The following GABRB3 variants were observed in gnomAD, a reference collection of about 807,000 sequenced individuals.
GABRB3 encodes gamma-aminobutyric acid type A receptor subunit beta3.
GABRB3 carries 14 observed loss-of-function variants against 52.1 expected under a neutral mutation model. That is an observed-to-expected ratio of 0.27 (90% confidence interval 0.18 to 0.42). The LOEUF is 0.42. Ranked by LOEUF, GABRB3 falls within the 10% of genes least tolerant of loss-of-function variation. GABRB3 has a pLI of 1.00. For missense variants in GABRB3, 307 were observed against 609.1 expected (o/e 0.50, Z 5.22); for synonymous variants, 260 against 232.3 (o/e 1.12, Z -1.08).
chr15:26,634,161 CTCTGGG>C (rs1189788236), intron 3 of GABRB3, among the ~76,000 whole-genome samples: 2 of 152,164 alleles, frequency 1.3e-5, no homozygotes, highest in African/African-American at 4.8e-5. Context: ...CCTGATCAGC[CTCTGGG>C]TCTTCGTTCT....
chr15:26,580,199 G>T, intron 6 of GABRB3, 120 bp downstream of exon 6: 2 of 1,206,392 alleles, frequency 1.7e-6, no homozygotes, highest in South Asian at 1.2e-5. Context: ...ATGTGTGAAT[G>T]ATAACAGCAC....
chr15:26,580,695 G>C, intron 5 of GABRB3: 1 of 585,766 alleles, frequency 1.7e-6, no homozygotes, highest in Non-Finnish European at 3.1e-6. Context: ...GAGAATGGGT[G>C]CTCTGACCAG....
intron 3 of GABRB3, among the ~76,000 whole-genome samples, chr15:26,628,772 C>A (rs1048394979): frequency 4.6e-5 from 7 of 152,210 alleles, no homozygotes; most frequent in Admixed American, 6.5e-5. Context: ...GGGTGGACCT[C>A]ACATTCTACC....
intron 3 of GABRB3, among the ~76,000 whole-genome samples, chr15:26,674,066 CTT>C (rs1421282948): frequency 6.9e-6 from 1 of 145,654 alleles, no homozygotes. Flanking sequence ...TAACCCCCCC[CTT>C]TTTTTTTTTA....
intron 3 of GABRB3, among the ~76,000 whole-genome samples, chr15:26,698,530 T>G (rs9920648): frequency 0.024 from 3,632 of 152,248 alleles, 140 homozygotes; most frequent in African/African-American, 0.083. Flanking sequence ...AAGGAAGAGA[T>G]TCTTTAAATG....
At position 26,568,684 on chromosome 15, in the gene GABRB3, G is replaced by GTTTTTTTTTTTT. The variant is rs1890278876; in HGVS notation, c.683-952_683-951insAAAAAAAAAAAA. On this transcript the variant is annotated intron_variant, in intron 6 of 8. Coordinates refer to ENST00000311550, the MANE Select transcript of GABRB3 (RefSeq NM_000814.6). The stretch of plus-strand genomic sequence containing the variant: ...AGCTAGGTTTTTTTTTTTTTTTTTG[G>GTTTTTTTTTTTT]TTTTGTATGTTTAGTAGAGACAGGG... 4.5e-5 allele frequency among the ~76,000 whole-genome samples: 6 copies of GTTTTTTTTTTTT among 133,722 alleles called. 1 individual carries two copies. In the East Asian group the frequency reaches 1.0e-3, roughly 23 times the overall value. The allele number at this position is 133,722 out of a possible 152,430, so 87.7% of individuals were successfully genotyped here.
chr15:26,693,362 C>A (rs957812037), intron 3 of GABRB3, among the ~76,000 whole-genome samples: 1 of 152,186 alleles, frequency 6.6e-6, no homozygotes, highest in African/African-American at 2.4e-5. Flanking sequence ...AATGAAACAG[C>A]AAGAGGAAAC....
chr15:26,727,074 G>C (rs1178673294), intron 3 of GABRB3, among the ~76,000 whole-genome samples: 1 of 152,170 alleles, frequency 6.6e-6, no homozygotes, highest in African/African-American at 2.4e-5. Flanking sequence ...CAGGAGAATT[G>C]ATTGAACCTA....
intron 4 of GABRB3, among the ~76,000 whole-genome samples, chr15:26,607,014 C>T (rs1032330754): frequency 2.0e-5 from 3 of 152,132 alleles, no homozygotes; most frequent in Admixed American, 2.0e-4. Flanking sequence ...GGCCATACTT[C>T]AACCACTCAA....
intron 4 of GABRB3, chr15:26,615,791 T>C (rs1892231561): frequency 2.5e-6 from 3 of 1,179,500 alleles, no homozygotes; most frequent in Non-Finnish European, 3.2e-6. Context: ...TGTAGGCTAC[T>C]GCTGGATAGA....
At chr15:26,744,064 G>A (rs1271881667) in intron 3 of GABRB3, among the ~76,000 whole-genome samples, 1 of 152,126 alleles carries the variant, frequency 6.6e-6, no homozygotes, top group Non-Finnish European at 1.5e-5. Context: ...CCAACATCGT[G>A]TCTCCCACTA....
chr15:26,587,678 T>C (rs1352153320), intron 4 of GABRB3, among the ~76,000 whole-genome samples: 3 of 151,936 alleles, frequency 2.0e-5, no homozygotes, highest in African/African-American at 2.4e-5. Context: ...TACAGAAGGG[T>C]TGAGGAATTT....
At chr15:26,604,054 C>T (rs1384150045) in intron 4 of GABRB3, among the ~76,000 whole-genome samples, 1 of 152,032 alleles carries the variant, frequency 6.6e-6, no homozygotes, top group Non-Finnish European at 1.5e-5. Context: ...TATTTGTTTA[C>T]TGCTAAATTC....
intron 4 of GABRB3, among the ~76,000 whole-genome samples, chr15:26,600,699 C>T (rs1891556440): frequency 6.6e-6 from 1 of 152,176 alleles, no homozygotes; most frequent in Admixed American, 6.5e-5. Flanking sequence ...ACATCACTAT[C>T]CCCTAGCTCT....
intron 3 of GABRB3, among the ~76,000 whole-genome samples, chr15:26,634,378 A>C (rs892696661): frequency 1.3e-5 from 2 of 152,030 alleles, no homozygotes; most frequent in Non-Finnish European, 2.9e-5. Context: ...GCAATATACC[A>C]GCCTCTTTCA....
intron 6 of GABRB3, among the ~76,000 whole-genome samples, chr15:26,569,513 T>C (rs1179366995): frequency 1.3e-5 from 2 of 152,230 alleles, no homozygotes; most frequent in Non-Finnish European, 2.9e-5. Context: ...ACAAGGACTC[T>C]ATAAATACAG....
At chr15:26,554,179 T>A (rs1210797463) in intron 8 of GABRB3, among the ~76,000 whole-genome samples, 782 of 26,086 alleles carry the variant, frequency 0.03, 55 homozygotes, top group African/African-American at 0.12. Flanking sequence ...ATATAAAGTA[T>A]ATATATATAT....
intron 1 of GABRB3, 51 bp from the exon 2 acceptor site, chr15:26,772,823 G>C (rs758595473): frequency 6.8e-7 from 1 of 1,460,754 alleles, no homozygotes; most frequent in East Asian, 3.0e-5. Flanking sequence ...CGGCTCAGCC[G>C]CCAGCGCCCC....
intron 3 of GABRB3, among the ~76,000 whole-genome samples, chr15:26,665,859 G>A (rs1366659744): frequency 6.6e-6 from 1 of 152,156 alleles, no homozygotes; most frequent in Non-Finnish European, 1.5e-5. Context: ...TTGTACAGAA[G>A]AAAAAGTATA....
Sources: allele counts gnomAD v4.1 joint callset (sites outside exome capture counted in the v4.1 genomes callset), GRCh38; gene constraint gnomAD v4.1.1; transcripts MANE v1.5; gene names NCBI Gene and HGNC (gene_info 2026-07-23, HGNC 2026-07-21).